Variants in IMMP2L observed in about 807,000 individuals in gnomAD.
IMMP2L encodes inner mitochondrial membrane peptidase subunit 2.
In IMMP2L, 18 loss-of-function variants were observed where a neutral mutation model predicts 19.3. The observed-to-expected ratio is 0.93, with a 90% CI of 0.64 to 1.38. The LOEUF (loss-of-function observed/expected upper bound fraction) is 1.38, where lower values mean the gene tolerates loss of function less well. Among genes scored for constraint, IMMP2L ranks in the 40% most tolerant of loss-of-function variants. IMMP2L has a pLI of 0.00. For synonymous variants in IMMP2L, 76 were observed against 73.0 expected, an observed-to-expected ratio of 1.04 and a Z score of -0.21; for missense variants, 233 against 218.2, an observed-to-expected ratio of 1.07 and a Z score of -0.43.
intron 3 of IMMP2L, among the ~76,000 whole-genome samples, chr7:111,427,510 T>C (rs1836201215): frequency 6.6e-6 from 1 of 151,768 alleles, no homozygotes; most frequent in African/African-American, 2.4e-5. Context: ...TAATAATGAC[T>C]GTCACTATTT....
chr7:110,663,860 C>T, intron 5 of IMMP2L, 139 bp from the exon 6 acceptor site: 1 of 541,904 alleles, frequency 1.8e-6, no homozygotes, highest in East Asian at 3.2e-5. Context: ...TAGTAAACAC[C>T]TTTTGTAGCC....
At chr7:111,557,215 C>T (rs1791468391) in intron 1 of IMMP2L, among the ~76,000 whole-genome samples, 1 of 152,052 alleles carries the variant, frequency 6.6e-6, no homozygotes, top group Non-Finnish European at 1.5e-5. Context: ...CTTGCCATGA[C>T]CCCACACCCA....
chr7:110,698,210 T>C (rs1009062264), intron 5 of IMMP2L, among the ~76,000 whole-genome samples: 1 of 152,138 alleles, frequency 6.6e-6, no homozygotes, highest in African/African-American at 2.4e-5. Flanking sequence ...AAAGAGTCTA[T>C]ATGGAATTGT....
rs574836828 is a variant in IMMP2L at position 111,094,610 on chromosome 7, T to C, written c.240-131045A>G. 2.6e-5 allele frequency among the ~76,000 whole-genome samples: 4 copies of C among 152,264 alleles called. No individual in the cohort carries two copies. In the South Asian group the frequency reaches 8.3e-4, roughly 32 times the overall value. ...TTGTCAGTGCTGTCAAAGATAAAGC[T>C]CTCTGATATTGGCTATGCAATGAGT... On this transcript the variant is annotated intron_variant, in intron 3 of 5. Coordinates refer to ENST00000405709, the MANE Select transcript of IMMP2L (RefSeq NM_032549.4).
At chr7:110,855,136 G>C (rs188440237) in intron 5 of IMMP2L, among the ~76,000 whole-genome samples, 8 of 151,794 alleles carry the variant, frequency 5.3e-5, no homozygotes, top group Non-Finnish European at 1.2e-4. Flanking sequence ...GGGCTGTGAA[G>C]AATCAAGGGA....
At chr7:111,360,455 T>C (rs568848592) in intron 3 of IMMP2L, among the ~76,000 whole-genome samples, 2 of 152,092 alleles carry the variant, frequency 1.3e-5, no homozygotes, top group Non-Finnish European at 2.9e-5. Flanking sequence ...ACACAACATA[T>C]TGAATGCAAA....
At chr7:110,768,562 C>A (rs1175596603) in intron 5 of IMMP2L, among the ~76,000 whole-genome samples, 2 of 152,136 alleles carry the variant, frequency 1.3e-5, no homozygotes, top group African/African-American at 2.4e-5. Context: ...CTACTTTTGG[C>A]CCCACAAATT....
intron 4 of IMMP2L, among the ~76,000 whole-genome samples, chr7:110,913,483 A>T (rs78454403): frequency 0.03 from 4,525 of 152,252 alleles, 106 homozygotes; most frequent in South Asian, 0.058. Context: ...AAAAGAAAAA[A>T]TCTGATTAAT....
intron 3 of IMMP2L, among the ~76,000 whole-genome samples, chr7:111,119,767 T>C (rs892906800): frequency 2.6e-5 from 4 of 152,006 alleles, no homozygotes; most frequent in Admixed American, 2.6e-4. Flanking sequence ...GCCCAGAAGA[T>C]AGGATGCAAA....
In IMMP2L at chr7:111,055,640, C is replaced by T. The variant is rs1038104196; in HGVS notation, c.240-92075G>A. 2.0e-5 allele frequency among the ~76,000 whole-genome samples: 3 copies of T among 152,156 alleles called. No individual in the cohort carries two copies. In the East Asian group the frequency reaches 5.8e-4, roughly 29 times the overall value. The stretch of plus-strand genomic sequence containing the variant: ...GCTGGATCCTTGGGCCGCACTTCTT[C>T]GCCACTCTGCAGAAGCTTAATTGCT... On this transcript the variant is annotated intron_variant, in intron 3 of 5. Coordinates refer to ENST00000405709, the MANE Select transcript of IMMP2L (RefSeq NM_032549.4).
intron 3 of IMMP2L, among the ~76,000 whole-genome samples, chr7:111,087,881 T>A (rs372312496): frequency 6.6e-6 from 1 of 152,204 alleles, no homozygotes; most frequent in Non-Finnish European, 1.5e-5. Flanking sequence ...AAGACTACTA[T>A]ATTTCAGCAC....
Position 110,728,953 on chromosome 7 carries a change from C to G in IMMP2L, c.409-65232G>C, listed in dbSNP as rs893126417. Among the ~76,000 whole-genome samples the G allele has an allele frequency of 2.0e-5, 3 of 152,100 alleles. No individual in the cohort carries two copies. Among genetic ancestry groups the G allele is most frequent in the Admixed American group, 2.0e-4 (3 of 15,260 alleles). ...TCACCCAGGCTGGACTGCAATGGCG[C>G]GATCTCAGCTCACAGCAACCTCCGT... On this transcript the variant is annotated intron_variant, in intron 5 of 5. Coordinates refer to ENST00000405709, the MANE Select transcript of IMMP2L (RefSeq NM_032549.4). The surrounding 1 kb of genome is among the most constrained non-coding windows in gnomAD (Gnocchi z 4.6).
At chr7:110,888,573 G>A (rs1810460556) in intron 4 of IMMP2L, among the ~76,000 whole-genome samples, 1 of 152,168 alleles carries the variant, frequency 6.6e-6, no homozygotes, top group Non-Finnish European at 1.5e-5. Flanking sequence ...GAAACCAGAA[G>A]AGTGATATGA....
intron 5 of IMMP2L, among the ~76,000 whole-genome samples, chr7:110,791,441 A>G (rs1394871759): frequency 6.6e-6 from 1 of 151,708 alleles, no homozygotes; most frequent in Admixed American, 6.6e-5. Context: ...CTAAGGGCAG[A>G]AATGAGAACT....
chr7:111,539,307 T>C (rs1448452496), intron 1 of IMMP2L, among the ~76,000 whole-genome samples: 8 of 152,098 alleles, frequency 5.3e-5, no homozygotes, highest in Admixed American at 3.9e-4. Context: ...TATCTGTATA[T>C]TGAACTTCAG....
intron 3 of IMMP2L, among the ~76,000 whole-genome samples, chr7:111,094,867 C>A (rs1797240696): frequency 6.6e-6 from 1 of 151,956 alleles, no homozygotes; most frequent in African/African-American, 2.4e-5. Flanking sequence ...AGGGATAAAT[C>A]GGAACGTTTT....
chr7:111,218,989 A>G (rs1812244362), intron 3 of IMMP2L, among the ~76,000 whole-genome samples: 1 of 152,076 alleles, frequency 6.6e-6, no homozygotes, highest in African/African-American at 2.4e-5. Flanking sequence ...TCTATACAAG[A>G]TCAAAATTCA....
At chr7:110,784,324 G>A (rs1368192139) in intron 5 of IMMP2L, among the ~76,000 whole-genome samples, 3 of 151,878 alleles carry the variant, frequency 2.0e-5, no homozygotes, top group African/African-American at 7.2e-5. Context: ...AAAAAATCAT[G>A]TAACGACTGC....
intron 3 of IMMP2L, among the ~76,000 whole-genome samples, chr7:111,238,485 GGA>G (rs1388822036): frequency 6.6e-6 from 1 of 151,932 alleles, no homozygotes; most frequent in African/African-American, 2.4e-5. Context: ...CAGGAAGATT[GGA>G]GAGTTACAAA....
Sources: gnomAD v4.1 joint callset for allele counts (sites outside exome capture counted in the v4.1 genomes callset) on GRCh38, gnomAD v4.1.1 for gene constraint, Gnocchi (gnomAD v3.1) non-coding constraint, MANE v1.5 for transcripts, NCBI Gene and HGNC (gene_info 2026-07-23, HGNC 2026-07-21) for gene names.